CDH4: variants seen among roughly 807,000 people sequenced by gnomAD.
CDH4 encodes the protein cadherin 4, also known as cadherin-4.
In CDH4, 33 loss-of-function variants were observed where a neutral mutation model predicts 86.0. The ratio of observed to expected loss-of-function variants is 0.38; its 90% CI spans 0.29 to 0.51. The LOEUF (loss-of-function observed/expected upper bound fraction) is 0.51. Ranked by LOEUF, CDH4 falls within the 20% of genes least tolerant of loss-of-function variation. The probability of loss-of-function intolerance (pLI) is 0.86; values close to 1 mark genes in which losing one functional copy is unlikely to be tolerated. For missense variants in CDH4, 1,114 were observed against 1,307.4 expected, an observed-to-expected ratio of 0.85 and a Z score of 2.28; for synonymous variants, 555 against 549.4, an observed-to-expected ratio of 1.01 and a Z score of -0.14.
chr20:61,739,041 G>A (rs1287384399), intron 2 of CDH4: 1 of 152,432 alleles, frequency 6.6e-6, no homozygotes, highest in Middle Eastern at 3.4e-3. Flanking sequence ...CTGGTACATC[G>A]AGGGAAAAGT....
At chr20:61,605,423 CTATG>C (rs1017844925) in intron 2 of CDH4, among the ~76,000 whole-genome samples, 16 of 151,994 alleles carry the variant, frequency 1.1e-4, no homozygotes, top group African/African-American at 3.6e-4. Flanking sequence ...GTCTGTTTCT[CTATG>C]TATATCTGTC....
intron 2 of CDH4, among the ~76,000 whole-genome samples, chr20:61,735,487 C>T (rs564823508): frequency 2.0e-5 from 3 of 152,286 alleles, no homozygotes; most frequent in Admixed American, 6.5e-5. Context: ...GCAGGGACCA[C>T]AGCCCAGCCC....
At chr20:61,489,575 G>A (rs2085614649) in intron 2 of CDH4, among the ~76,000 whole-genome samples, 1 of 152,256 alleles carries the variant, frequency 6.6e-6, no homozygotes, top group South Asian at 2.1e-4. Context: ...AGGGGGCTGA[G>A]CCCCGATGCT....
intron 2 of CDH4, among the ~76,000 whole-genome samples, chr20:61,384,880 G>C (rs183083391): frequency 1.7e-4 from 26 of 152,200 alleles, no homozygotes; most frequent in Admixed American, 1.0e-3. Context: ...ATCCCTCTCA[G>C]TCCTGATGTT....
At chr20:61,281,866 T>G (rs1301396671) in intron 2 of CDH4, among the ~76,000 whole-genome samples, 1 of 152,238 alleles carries the variant, frequency 6.6e-6, no homozygotes, top group Non-Finnish European at 1.5e-5. Flanking sequence ...GAAAACACAC[T>G]GGCTCTGCAG....
chr20:61,890,542 AATGG>A (rs1281814554), intron 7 of CDH4, among the ~76,000 whole-genome samples: 2 of 150,428 alleles, frequency 1.3e-5, no homozygotes, highest in African/African-American at 4.9e-5. Context: ...ATGGATTATG[AATGG>A]ATGGATGGGT....
chr20:61,897,410 AAGCACTGACC>A (rs1985180732), intron 8 of CDH4, among the ~76,000 whole-genome samples: 1 of 151,762 alleles, frequency 6.6e-6, no homozygotes, highest in Non-Finnish European at 1.5e-5. Flanking sequence ...TGACCAGCAT[AAGCACTGACC>A]AGCACTGATC....
At chr20:61,446,899 A>C (rs935859341) in intron 2 of CDH4, among the ~76,000 whole-genome samples, 3 of 152,186 alleles carry the variant, frequency 2.0e-5, no homozygotes, top group African/African-American at 7.2e-5. Context: ...TTTATATGTC[A>C]TTATTAGTGA....
intron 4 of CDH4, among the ~76,000 whole-genome samples, chr20:61,801,779 T>G (rs1849970191): frequency 1.3e-5 from 2 of 152,332 alleles, no homozygotes; most frequent in African/African-American, 4.8e-5. Flanking sequence ...CCACATCACC[T>G]TCTCCTCTGT....
At chr20:61,403,442 G>A (rs1221127510) in intron 2 of CDH4, among the ~76,000 whole-genome samples, 1 of 152,112 alleles carries the variant, frequency 6.6e-6, no homozygotes, top group Non-Finnish European at 1.5e-5. Context: ...CTTCTCTTGG[G>A]TGGTCCTCAT....
chr20:61,256,132 A>G (rs561994674), intron 2 of CDH4, among the ~76,000 whole-genome samples: 2 of 152,298 alleles, frequency 1.3e-5, no homozygotes, highest in South Asian at 4.2e-4. Context: ...TAGAACGGGT[A>G]GGCCATTTTC....
At chr20:61,839,932 CTGTA>C (rs1213943898) in intron 4 of CDH4, among the ~76,000 whole-genome samples, 4 of 148,380 alleles carry the variant, frequency 2.7e-5, no homozygotes, top group Non-Finnish European at 1.5e-5. Context: ...GTGTACATGT[CTGTA>C]TGTGCATTTG....
At chr20:61,346,351 T>C (rs6015958) in intron 2 of CDH4, among the ~76,000 whole-genome samples, 30,127 of 152,130 alleles carry the variant, frequency 0.2, 2,981 homozygotes, top group Middle Eastern at 0.35. Context: ...AGGCCAGCCA[T>C]GGGAGCCCCA....
chr20:61,591,477 G>A (rs1435457491), intron 2 of CDH4, among the ~76,000 whole-genome samples: 1 of 152,016 alleles, frequency 6.6e-6, no homozygotes, highest in Non-Finnish European at 1.5e-5. Flanking sequence ...CCACTCTGTT[G>A]TGATGCATTG....
At chr20:61,386,538 CTTGAGGTCT>C (rs1173551042) in intron 2 of CDH4, among the ~76,000 whole-genome samples, 10 of 152,266 alleles carry the variant, frequency 6.6e-5, no homozygotes, top group Admixed American at 6.5e-4. Context: ...GGGGCCTGGC[CTTGAGGTCT>C]TTGATGGGAA....
intron 2 of CDH4, among the ~76,000 whole-genome samples, chr20:61,273,177 A>G (rs1600822458): frequency 2.2e-5 from 2 of 89,950 alleles, no homozygotes; most frequent in Non-Finnish European, 4.1e-5. Context: ...GGGGAGTACC[A>G]TGTGCAGTTT....
chr20:61,894,131 G>A (rs1171684306), intron 7 of CDH4, among the ~76,000 whole-genome samples: 3 of 152,262 alleles, frequency 2.0e-5, no homozygotes, highest in African/African-American at 7.2e-5. Context: ...GCAGGGAGCT[G>A]CCCACAAGCC....
At position 61,778,593 on chromosome 20, in the gene CDH4, C is replaced by T. The variant is rs527814720; in HGVS notation, c.576+5411C>T. On this transcript the variant is annotated intron_variant, in intron 4 of 15. Transcript: ENST00000614565. ...GTATCTGTGGCAAAGCAGGGAGCCA[C>T]GCCTGGTGGTTCTGCCACTGGAATC... Among the ~76,000 whole-genome samples the T allele has an allele frequency of 1.1e-4, 17 of 152,136 alleles. No homozygotes were observed. The South Asian group carries it at 2.5e-3, about 22-fold the overall frequency.
At chr20:61,726,871 G>A (rs537835047) in intron 2 of CDH4, among the ~76,000 whole-genome samples, 13 of 149,672 alleles carry the variant, frequency 8.7e-5, no homozygotes, top group South Asian at 8.6e-4. Context: ...CATCACCATC[G>A]GAGGCATCAC....
Sources: allele counts gnomAD v4.1 joint callset (sites outside exome capture counted in the v4.1 genomes callset), GRCh38; gene constraint gnomAD v4.1.1; transcripts MANE v1.5; gene names NCBI Gene and HGNC (gene_info 2026-07-23, HGNC 2026-07-21).